TMPRSS11A: variants seen among roughly 807,000 people sequenced by gnomAD.
The protein encoded by TMPRSS11A is transmembrane protease serine 11A.
A neutral mutation model predicts 58.9 loss-of-function variants in TMPRSS11A; 53 were observed. The observed-to-expected ratio is 0.90, with a 90% CI of 0.72 to 1.13. The LOEUF (loss-of-function observed/expected upper bound fraction) is 1.13. Ranked by LOEUF, TMPRSS11A falls within the 50% of genes most tolerant of loss-of-function variation. TMPRSS11A has a pLI of 0.00. For missense variants in TMPRSS11A, 493 were observed against 499.3 expected, an observed-to-expected ratio of 0.99 and a Z score of 0.12; for synonymous variants, 167 against 169.8, an observed-to-expected ratio of 0.98 and a Z score of 0.13.
At chr4:67,929,482 A>T (rs928219401) in intron 5 of TMPRSS11A, among the ~76,000 whole-genome samples, 4 of 152,258 alleles carry the variant, frequency 2.6e-5, no homozygotes, top group African/African-American at 4.8e-5. Context: ...ATATCACCAT[A>T]TATAGAAACT....
chr4:67,947,205 T>C (rs1721040193), intron 1 of TMPRSS11A, among the ~76,000 whole-genome samples: 2 of 152,266 alleles, frequency 1.3e-5, no homozygotes, highest in South Asian at 4.1e-4. Context: ...CATGATACTC[T>C]TAACACTCCT....
At chr4:67,926,061 T>A (rs1011450477) in intron 5 of TMPRSS11A, among the ~76,000 whole-genome samples, 3 of 152,220 alleles carry the variant, frequency 2.0e-5, no homozygotes, top group Admixed American at 1.3e-4. Flanking sequence ...AGCTAGTTAA[T>A]ATTCAGGGCT....
intron 5 of TMPRSS11A, among the ~76,000 whole-genome samples, chr4:67,925,607 G>C (rs752073274): frequency 1.3e-5 from 2 of 152,192 alleles, no homozygotes; most frequent in Non-Finnish European, 2.9e-5. Flanking sequence ...GTATGGTGAA[G>C]AGTCAATTGC....
intron 5 of TMPRSS11A, among the ~76,000 whole-genome samples, chr4:67,927,577 T>C (rs1720507137): frequency 6.6e-6 from 1 of 152,164 alleles, no homozygotes; most frequent in South Asian, 2.1e-4. Context: ...TCCAGGCTGG[T>C]AGCGGAAGGT....
In TMPRSS11A at chr4:67,923,591, C is replaced by T. The variant is rs1720389908; in HGVS notation, c.520+537G>A. ...GTGCAATCTTGGCTCACTGCAACCT[C>T]TGCCTCCCAGGTTCAAGTGATTCTC... On this transcript the variant is annotated intron_variant, in intron 6 of 9. Coordinates refer to ENST00000508048, the MANE Select transcript of TMPRSS11A (RefSeq NM_001114387.2). Among the ~76,000 whole-genome samples, 3 of 152,190 alleles carry T rather than the reference C, an allele frequency of 2.0e-5. No individual in the cohort carries two copies. The South Asian group carries it at 6.2e-4, about 32-fold the overall frequency.
rs367651967 is a variant in TMPRSS11A, at chr4:67,916,637, T to G, written c.953-1907A>C. ...GTCAGGAGATCAAAACCATCCTGGC[T>G]AACACGGTGAAACCCCTTCTTTACT... On this transcript the variant is annotated intron_variant, in intron 8 of 9. Transcript: ENST00000508048. Among the ~76,000 whole-genome samples, 70 of 152,132 alleles carry G rather than the reference T, an allele frequency of 4.6e-4. 1 individual carries two copies. In the South Asian group the frequency reaches 0.012, roughly 26 times the overall value.
chr4:67,960,294 T>C lies in TMPRSS11A; in HGVS notation c.11+3089A>G, dbSNP rs542801795. 2.3e-3 allele frequency among the ~76,000 whole-genome samples: 349 copies of C among 152,244 alleles called. 2 individuals are homozygous for C. Among genetic ancestry groups the C allele is most frequent in the African/African-American group, 8.1e-3 (338 of 41,540 alleles). The stretch of plus-strand genomic sequence containing the variant: ...TATAGCGAAAATAAATGTTGAAATT[T>C]AAAAAAATTAAATTAAAAAACAGTT... On this transcript the variant is annotated intron_variant, in intron 1 of 9. Coordinates refer to ENST00000508048, the MANE Select transcript of TMPRSS11A (RefSeq NM_001114387.2).
intron 3 of TMPRSS11A, among the ~76,000 whole-genome samples, chr4:67,943,777 G>GA (rs1261861359): frequency 5.3e-5 from 8 of 152,076 alleles, no homozygotes; most frequent in Middle Eastern, 3.4e-3. Context: ...ATGATGACAG[G>GA]AAAAAATGGT....
chr4:67,951,587 T>C (rs1442902720), intron 1 of TMPRSS11A, among the ~76,000 whole-genome samples: 1 of 50,952 alleles, frequency 2.0e-5, no homozygotes, highest in Non-Finnish European at 4.7e-5. Flanking sequence ...TTTGGGGGGA[T>C]ATTTTTTTTT....
chr4:67,932,416 T>C (rs144723929), intron 3 of TMPRSS11A, among the ~76,000 whole-genome samples: 4 of 152,148 alleles, frequency 2.6e-5, no homozygotes, highest in African/African-American at 9.7e-5. Flanking sequence ...AGAGCAGAGA[T>C]AGGATATTCA....
chr4:67,919,338 C>T, intron 7 of TMPRSS11A, 106 bp from the exon 8 acceptor site: 2 of 1,019,112 alleles, frequency 2.0e-6, no homozygotes, highest in Non-Finnish European at 2.9e-6. Flanking sequence ...CCTGAGAATA[C>T]TTGGCTGCAG....
At position 67,909,565 on chromosome 4, in the gene TMPRSS11A, A is replaced by G. The variant is rs1379187920; in HGVS notation, c.*1777T>C. On this transcript the variant is annotated 3_prime_UTR_variant, in exon 10 of 10. Transcript: ENST00000508048. Reference sequence around the variant, plus strand: ...CAGCATTAAGTTTTACCACCATAATATAGAATAATTTATATGCCTATGTAT... The same window carrying G: ...CAGCATTAAGTTTTACCACCATAATGTAGAATAATTTATATGCCTATGTAT... 6.6e-6 allele frequency: 1 copy of G among 152,190 alleles called. No individual in the cohort carries two copies. The highest frequency in any genetic ancestry group is 1.9e-4 in the East Asian group (1 of 5,198). The allele number at this position is 152,190 out of a possible 1,614,324, so 9.4% of individuals were successfully genotyped here. A position where few individuals can be genotyped will look rare whatever the true frequency, so the allele number is the denominator to read the frequency against.
At position 67,946,585 on chromosome 4, in the gene TMPRSS11A, G is replaced by A. The variant is rs1483830883; in HGVS notation, c.12-14C>T. The A allele has an allele frequency of 3.1e-6, 5 of 1,602,628 alleles. No individual in the cohort carries two copies. Among genetic ancestry groups the A allele is most frequent in the Admixed American group, 1.7e-5 (1 of 57,902 alleles). Reference sequence around the variant, plus strand: ...AATCCCACTGTCCTGAGAAAAGGAAGGGCCCACTGGTTACTCTCAGATAGC... The same window carrying A: ...AATCCCACTGTCCTGAGAAAAGGAAAGGCCCACTGGTTACTCTCAGATAGC... On this transcript the variant is annotated splice_polypyrimidine_tract_variant and intron_variant, in intron 1 of 9. Transcript: ENST00000508048.
intron 1 of TMPRSS11A, among the ~76,000 whole-genome samples, chr4:67,959,035 C>A (rs1560576354): frequency 6.6e-6 from 1 of 152,158 alleles, no homozygotes; most frequent in Non-Finnish European, 1.5e-5. Flanking sequence ...GTGCATTAAA[C>A]CTCTTTCTTT....
At chr4:67,959,767 T>C (rs1721378428) in intron 1 of TMPRSS11A, among the ~76,000 whole-genome samples, 1 of 152,180 alleles carries the variant, frequency 6.6e-6, no homozygotes, top group African/African-American at 2.4e-5. Context: ...AGTTTGGAGA[T>C]TTCTCAAAGA....
chr4:67,912,528 AGAAG>A (rs1720010889), intron 9 of TMPRSS11A, among the ~76,000 whole-genome samples: 1 of 152,206 alleles, frequency 6.6e-6, no homozygotes, highest in Non-Finnish European at 1.5e-5. Context: ...GTAGGGTATC[AGAAG>A]TACATTTTTT....
intron 2 of TMPRSS11A, among the ~76,000 whole-genome samples, chr4:67,945,906 A>T (rs1720991835): frequency 6.6e-6 from 1 of 152,210 alleles, no homozygotes; most frequent in Non-Finnish European, 1.5e-5. Context: ...TGTTTTGGAA[A>T]GAGTAAAATT....
At chr4:67,941,066 TA>T (rs1183820083) in intron 3 of TMPRSS11A, among the ~76,000 whole-genome samples, 1 of 152,064 alleles carries the variant, frequency 6.6e-6, no homozygotes, top group Non-Finnish European at 1.5e-5. Flanking sequence ...AGAGATGAGA[TA>T]TGTCTGCTCC....
chr4:67,955,933 T>G (rs1228318844), intron 1 of TMPRSS11A, among the ~76,000 whole-genome samples: 3 of 152,168 alleles, frequency 2.0e-5, no homozygotes, highest in Non-Finnish European at 4.4e-5. Flanking sequence ...TTTAAGATTT[T>G]AAAAAAGAGG....
Sources: gnomAD v4.1 joint callset for allele counts (sites outside exome capture counted in the v4.1 genomes callset) on GRCh38, gnomAD v4.1.1 for gene constraint, MANE v1.5 for transcripts, NCBI Gene and HGNC (gene_info 2026-07-23, HGNC 2026-07-21) for gene names.